Variants in GRIK4 observed in about 807,000 individuals in gnomAD.
GRIK4 encodes glutamate ionotropic receptor kainate type subunit 4.
A neutral mutation model predicts 104.9 loss-of-function variants in GRIK4; 40 were observed. The ratio of observed to expected loss-of-function variants is 0.38; its 90% CI spans 0.30 to 0.50. The LOEUF is 0.50. Among genes scored for constraint, GRIK4 ranks in the 20% least tolerant of loss-of-function variants. GRIK4 has a pLI of 0.93. For synonymous variants in GRIK4, 485 were observed against 524.9 expected (o/e 0.92, Z 1.04); for missense variants, 1,047 against 1,308.1 (o/e 0.80, Z 3.08).
At chr11:120,565,475 G>T (rs868756154) in intron 1 of GRIK4, among the ~76,000 whole-genome samples, 2 of 152,172 alleles carry the variant, frequency 1.3e-5, no homozygotes, top group Admixed American at 6.5e-5. Context: ...GGGAGAAAGG[G>T]TAACTGAAAC....
intron 13 of GRIK4, among the ~76,000 whole-genome samples, chr11:120,937,395 C>T (rs955022671): frequency 3.9e-5 from 6 of 152,154 alleles, no homozygotes; most frequent in Admixed American, 6.5e-5. Flanking sequence ...ATAATCTGAT[C>T]CCATGTGATT....
At chr11:120,985,063 A>G (rs772751261) in intron 20 of GRIK4, among the ~76,000 whole-genome samples, 11 of 151,948 alleles carry the variant, frequency 7.2e-5, no homozygotes, top group South Asian at 4.2e-4. Flanking sequence ...TCCTGACCTC[A>G]AGTGATCTGC....
chr11:120,667,692 A>G (rs949896333), intron 3 of GRIK4, among the ~76,000 whole-genome samples: 4 of 152,170 alleles, frequency 2.6e-5, no homozygotes, highest in African/African-American at 7.2e-5. Context: ...GAGCTGAGAT[A>G]TGGTACCTGG....
chr11:120,910,110 C>G (rs1352983328), intron 13 of GRIK4, among the ~76,000 whole-genome samples: 1 of 152,154 alleles, frequency 6.6e-6, no homozygotes, highest in African/African-American at 2.4e-5. Context: ...CATGGCTGAC[C>G]CTTACCGGGT....
intron 3 of GRIK4, among the ~76,000 whole-genome samples, chr11:120,754,145 C>T (rs570919912): frequency 6.4e-4 from 97 of 152,220 alleles, no homozygotes; most frequent in African/African-American, 2.1e-3. Flanking sequence ...ATTCTCCTGC[C>T]CCAGCCTCCC....
intron 3 of GRIK4, among the ~76,000 whole-genome samples, chr11:120,742,003 C>G (rs1463414155): frequency 6.6e-6 from 1 of 152,124 alleles, no homozygotes; most frequent in Non-Finnish European, 1.5e-5. Context: ...GGAGACTGGG[C>G]TCACATCTCA....
At chr11:120,633,270 G>T (rs1305837648) in intron 1 of GRIK4, among the ~76,000 whole-genome samples, 1 of 152,262 alleles carries the variant, frequency 6.6e-6, no homozygotes, top group East Asian at 1.9e-4. Flanking sequence ...GCCATGTCAG[G>T]CTTTCAGAGC....
chr11:120,828,278 A>G lies in GRIK4; in HGVS notation c.512-3574A>G, dbSNP rs150534169. ...ATTACAAATATATACACACACATCT[A>G]TGCACATACACATACTTACGCATAT... On this transcript the variant is annotated intron_variant, in intron 6 of 20. Coordinates refer to ENST00000527524, the MANE Select transcript of GRIK4 (RefSeq NM_014619.5). 1.2e-3 allele frequency among the ~76,000 whole-genome samples: 182 copies of G among 152,330 alleles called. 1 individual carries two copies. Among genetic ancestry groups the G allele is most frequent in the African/African-American group, 4.1e-3 (171 of 41,564 alleles).
intron 3 of GRIK4, among the ~76,000 whole-genome samples, chr11:120,763,367 A>G (rs576603445): frequency 2.0e-5 from 3 of 151,916 alleles, no homozygotes; most frequent in Non-Finnish European, 4.4e-5. Context: ...TGGTCTATCT[A>G]TTTTGTTAGT....
intron 3 of GRIK4, among the ~76,000 whole-genome samples, chr11:120,677,320 A>G (rs1053815401): frequency 6.6e-6 from 1 of 152,162 alleles, no homozygotes; most frequent in Non-Finnish European, 1.5e-5. Context: ...ATTTCCTGCC[A>G]TGGGGTCTAG....
intron 3 of GRIK4, among the ~76,000 whole-genome samples, chr11:120,720,565 G>A (rs932010540): frequency 6.6e-6 from 1 of 152,146 alleles, no homozygotes; most frequent in African/African-American, 2.4e-5. Flanking sequence ...GCTCAGGACT[G>A]AAAGGAACTA....
chr11:120,627,144 A>G (rs1156376933), intron 1 of GRIK4, among the ~76,000 whole-genome samples: 1 of 152,084 alleles, frequency 6.6e-6, no homozygotes, highest in East Asian at 1.9e-4. Flanking sequence ...CACTTTATCT[A>G]CTGTTGGGTC....
chr11:120,878,613 G>GCC lies in GRIK4; in HGVS notation c.1164+3379_1164+3380dup, dbSNP rs67957802. 1.9e-3 allele frequency among the ~76,000 whole-genome samples: 254 copies of GCC among 134,454 alleles called. 1 individual carries two copies. The highest frequency in any genetic ancestry group is 6.5e-3 in the African/African-American group (226 of 34,790). The allele number at this position is 134,454 out of a possible 152,430, so 88.2% of individuals were successfully genotyped here. The stretch of plus-strand genomic sequence containing the variant: ...ATGGTGATCATTCTCTTTATGCCCC[G>GCC]CCCCCCCCCCTTTTTTCAACAAATC... On this transcript the variant is annotated intron_variant, in intron 11 of 20. Coordinates refer to ENST00000527524, the MANE Select transcript of GRIK4 (RefSeq NM_014619.5).
In GRIK4 at chr11:120,819,413, G is replaced by A. The variant is rs1463349148; in HGVS notation, c.346-342G>A. On this transcript the variant is annotated intron_variant, in intron 5 of 20. Coordinates refer to ENST00000527524, the MANE Select transcript of GRIK4 (RefSeq NM_014619.5). This position sits in a 1 kb window ranked among gnomAD's most constrained non-coding sequence, Gnocchi z 4.3. The stretch of plus-strand genomic sequence containing the variant: ...AGGATTATGCTTTCAAGAGCCAACT[G>A]TCTCTCTGCCAGCAGCAGGCAGTTC... Among the ~76,000 whole-genome samples the A allele has an allele frequency of 1.3e-5, 2 of 152,216 alleles. No individual in the cohort carries two copies. Among genetic ancestry groups the A allele is most frequent in the African/African-American group, 4.8e-5 (2 of 41,446 alleles).
At chr11:120,750,474 C>A (rs1461612593) in intron 3 of GRIK4, among the ~76,000 whole-genome samples, 1 of 147,118 alleles carries the variant, frequency 6.8e-6, no homozygotes, top group African/African-American at 2.5e-5. Context: ...TCAAGTGATT[C>A]TCCTGCCTCA....
At chr11:120,826,129 C>T (rs1031174873) in intron 6 of GRIK4, among the ~76,000 whole-genome samples, 1 of 152,096 alleles carries the variant, frequency 6.6e-6, no homozygotes, top group African/African-American at 2.4e-5. Context: ...TTATTTAAAC[C>T]GTATAACTCA....
At chr11:120,752,898 C>T (rs1159984032) in intron 3 of GRIK4, among the ~76,000 whole-genome samples, 3 of 152,250 alleles carry the variant, frequency 2.0e-5, no homozygotes, top group African/African-American at 7.2e-5. Context: ...AGAGGAGGCT[C>T]CCTCCAAGCG....
At chr11:120,544,046 C>T (rs1041448532) in intron 1 of GRIK4, among the ~76,000 whole-genome samples, 3 of 152,192 alleles carry the variant, frequency 2.0e-5, no homozygotes, top group Non-Finnish European at 2.9e-5. Flanking sequence ...TCAGTTCTGG[C>T]GAGCTGCGCT....
chr11:120,777,061 C>G (rs1197259647), intron 3 of GRIK4, among the ~76,000 whole-genome samples: 1 of 152,156 alleles, frequency 6.6e-6, no homozygotes, highest in Non-Finnish European at 1.5e-5. Context: ...CTGGCAGGAA[C>G]CTGTGCTGCT....
Sources: gnomAD v4.1 joint callset for allele counts (sites outside exome capture counted in the v4.1 genomes callset) on GRCh38, gnomAD v4.1.1 for gene constraint, Gnocchi (gnomAD v3.1) non-coding constraint, MANE v1.5 for transcripts, NCBI Gene and HGNC (gene_info 2026-07-23, HGNC 2026-07-21) for gene names.